Variants in TUBGCP3 observed in about 807,000 individuals in gnomAD.
The protein encoded by TUBGCP3 is gamma-tubulin complex component 3.
Under a neutral mutation model 123.1 loss-of-function variants are expected in TUBGCP3, and 50 were observed. The ratio of observed to expected loss-of-function variants is 0.41; its 90% CI spans 0.32 to 0.51. The LOEUF is 0.51. Ranked by LOEUF, TUBGCP3 falls within the 20% of genes least tolerant of loss-of-function variation. The pLI is 0.36. For missense variants in TUBGCP3, 882 were observed against 1,127.0 expected (o/e 0.78, Z 3.11); for synonymous variants, 405 against 413.9 (o/e 0.98, Z 0.26).
chr13:112,576,194 T>C (rs1881794048), intron 1 of TUBGCP3, among the ~76,000 whole-genome samples: 1 of 152,180 alleles, frequency 6.6e-6, no homozygotes, highest in Admixed American at 6.5e-5. Flanking sequence ...GAAGCAAGGC[T>C]GAGCTGTCAA....
rs1879566734 is a variant in TUBGCP3 at position 112,485,070 on chromosome 13, A to C, written c.*923T>G. On this transcript the variant is annotated 3_prime_UTR_variant, in exon 22 of 22. Coordinates refer to ENST00000261965, the MANE Select transcript of TUBGCP3 (RefSeq NM_006322.6). ...ACTTATGCAACATAAAGGCAGATTT[A>C]TGTGACCTGATAATGACATTTTTAC... The C allele has an allele frequency of 6.5e-6, 1 of 152,672 alleles. No homozygotes were observed. The highest frequency in any genetic ancestry group is 1.5e-5 in the Non-Finnish European group (1 of 68,048). 9.5% of individuals were successfully genotyped at this position (152,672 alleles called of 1,614,324 possible). A position where few individuals can be genotyped will look rare whatever the true frequency, so the allele number is the denominator to read the frequency against.
upstream of TUBGCP3, among the ~76,000 whole-genome samples, chr13:112,591,087 ATACT>A (rs1429717210): frequency 6.6e-6 from 1 of 152,240 alleles, no homozygotes; most frequent in Non-Finnish European, 1.5e-5. Flanking sequence ...CAAGGAACAC[ATACT>A]TCAGCCAGGA....
intron 20 of TUBGCP3, chr13:112,498,669 GT>G: frequency 2.5e-6 from 3 of 1,192,032 alleles, no homozygotes; most frequent in African/African-American, 1.5e-5. Context: ...AGATGCACAC[GT>G]TTGCAAAATG....
At chr13:112,576,985 TAAAAAAAAAAAA>T (rs1252041285) in intron 1 of TUBGCP3, among the ~76,000 whole-genome samples, 24 of 119,106 alleles carry the variant, frequency 2.0e-4, no homozygotes, top group Middle Eastern at 4.1e-3. Context: ...AAAAAATTCT[TAAAAAAAAAAAA>T]GAAAAAAAAA....
At chr13:112,525,358 G>A (rs369284973) in intron 13 of TUBGCP3, among the ~76,000 whole-genome samples, 3 of 151,952 alleles carry the variant, frequency 2.0e-5, no homozygotes, top group African/African-American at 7.3e-5. Context: ...TACCCAAAGC[G>A]CTTCACCTGC....
At position 112,519,877 on chromosome 13, in the gene TUBGCP3, C is replaced by T. The variant is rs1359213489; in HGVS notation, c.1881+9G>A. Reference sequence around the variant, plus strand: ...GGGGCGGCGTTCCCAACACGCAGAGCCGCAGTACCTCCAGCAGCCGCACGT... The same window carrying T: ...GGGGCGGCGTTCCCAACACGCAGAGTCGCAGTACCTCCAGCAGCCGCACGT... On this transcript the variant is annotated intron_variant, in intron 15 of 21. Transcript: ENST00000261965. This position sits in a 1 kb window ranked among gnomAD's most constrained non-coding sequence, Gnocchi z 6.2. 1 of 1,612,154 alleles carries T rather than the reference C, an allele frequency of 6.2e-7. No individual in the cohort carries two copies.
At chr13:112,580,243 G>C (rs985488611) in intron 1 of TUBGCP3, among the ~76,000 whole-genome samples, 1 of 152,008 alleles carries the variant, frequency 6.6e-6, no homozygotes, top group Admixed American at 6.6e-5. Flanking sequence ...TAGCAGAATG[G>C]AGATACTAAA....
At chr13:112,601,015 C>G in the TUBGCP3 span, among the ~76,000 whole-genome samples, 2 of 151,900 alleles carry the variant, frequency 1.3e-5, no homozygotes, top group African/African-American at 4.8e-5. Context: ...TGGCGAAACC[C>G]CGTCTCTACT....
intron 3 of TUBGCP3, among the ~76,000 whole-genome samples, chr13:112,560,671 T>C (rs1880443849): frequency 6.6e-6 from 1 of 152,234 alleles, no homozygotes; most frequent in Non-Finnish European, 1.5e-5. Context: ...TTATATTATG[T>C]AAACTCTCCA....
At chr13:112,586,546 T>C (rs1318702905) in intron 1 of TUBGCP3, among the ~76,000 whole-genome samples, 1 of 152,230 alleles carries the variant, frequency 6.6e-6, no homozygotes. Flanking sequence ...ACTGGTTCTC[T>C]CTACTCAGAA....
upstream of TUBGCP3, among the ~76,000 whole-genome samples, chr13:112,590,643 G>A (rs1275721274): frequency 6.6e-6 from 1 of 152,098 alleles, no homozygotes; most frequent in Non-Finnish European, 1.5e-5. Flanking sequence ...TTCCGATTTG[G>A]GGAGTTCCTC....
At chr13:112,581,497 G>C (rs1182650856) in intron 1 of TUBGCP3, among the ~76,000 whole-genome samples, 5 of 145,202 alleles carry the variant, frequency 3.4e-5, no homozygotes, top group African/African-American at 1.1e-4. Context: ...CCAGGCTGGA[G>C]TGCAGTGGTA....
intron 17 of TUBGCP3, among the ~76,000 whole-genome samples, chr13:112,515,789 T>C (rs1876069694): frequency 6.6e-6 from 1 of 152,220 alleles, no homozygotes; most frequent in Admixed American, 6.5e-5. Context: ...GGGGTCACTA[T>C]TCTGGATCTC....
At chr13:112,550,847 T>G (rs547305811) in intron 8 of TUBGCP3, among the ~76,000 whole-genome samples, 1 of 152,090 alleles carries the variant, frequency 6.6e-6, no homozygotes, top group African/African-American at 2.4e-5. Context: ...GCCTGTAATC[T>G]CATCACTTTG....
intron 13 of TUBGCP3, among the ~76,000 whole-genome samples, chr13:112,526,705 CCAT>C (rs1261933439): frequency 1.3e-5 from 2 of 150,230 alleles, no homozygotes; most frequent in South Asian, 4.3e-4. Flanking sequence ...ATCATTACCC[CCAT>C]CATCATCACC....
rs1345364708 is a variant in TUBGCP3 at position 112,485,351 on chromosome 13, C to A, written c.*642G>T. 2 of 152,326 alleles carry A rather than the reference C, an allele frequency of 1.3e-5. No homozygotes were observed. Among genetic ancestry groups the A allele is most frequent in the Non-Finnish European group, 2.9e-5 (2 of 68,006 alleles). 9.4% of individuals were successfully genotyped at this position (152,326 alleles called of 1,614,324 possible). On this transcript the variant is annotated 3_prime_UTR_variant, in exon 22 of 22. Transcript: ENST00000261965. Reference sequence around the variant, plus strand: ...TGTTCTCTATCACTCCTACTTTTTTCTATACTATTTTAAAAATCTGAAATA... The same window carrying A: ...TGTTCTCTATCACTCCTACTTTTTTATATACTATTTTAAAAATCTGAAATA...
At chr13:112,566,808 A>G (rs1375036670) in intron 2 of TUBGCP3, among the ~76,000 whole-genome samples, 3 of 152,252 alleles carry the variant, frequency 2.0e-5, no homozygotes, top group African/African-American at 7.2e-5. Flanking sequence ...ATTCTCTATT[A>G]AATTTTAGCA....
chr13:112,543,413 T>C (rs1259318083), intron 11 of TUBGCP3, among the ~76,000 whole-genome samples: 1 of 152,188 alleles, frequency 6.6e-6, no homozygotes, highest in Non-Finnish European at 1.5e-5. Flanking sequence ...CTTTTTAATC[T>C]CCAAATCCAA....
rs1192124220 is a variant in TUBGCP3 at position 112,485,576 on chromosome 13, CT to C, written c.*416del. 1 of 160,260 alleles carries C rather than the reference CT, an allele frequency of 6.2e-6. No homozygotes were observed. The highest frequency in any genetic ancestry group is 1.4e-5 in the Non-Finnish European group (1 of 73,666). The allele number at this position is 160,260 out of a possible 1,614,324, so 9.9% of individuals were successfully genotyped here. On this transcript the variant is annotated 3_prime_UTR_variant, in exon 22 of 22. Transcript: ENST00000261965. ...TTTTGGTTATGTTAACAAAAATTAC[CT>C]CTAAAGAGGATGTTAAAAAAATAGC...
Sources: gnomAD v4.1 joint callset for allele counts (sites outside exome capture counted in the v4.1 genomes callset) on GRCh38, gnomAD v4.1.1 for gene constraint, Gnocchi (gnomAD v3.1) non-coding constraint, MANE v1.5 for transcripts, NCBI Gene and HGNC (gene_info 2026-07-23, HGNC 2026-07-21) for gene names.